The following SAE1 variants were observed in gnomAD, a reference collection of about 807,000 sequenced individuals.
SAE1 encodes SUMO1 activating enzyme subunit 1.
In SAE1, 11 loss-of-function variants were observed where a neutral mutation model predicts 40.6. That is an observed-to-expected ratio of 0.27 (90% CI 0.17 to 0.45). The LOEUF is 0.45. Ranked by LOEUF, SAE1 falls within the 20% of genes least tolerant of loss-of-function variation. The pLI is 1.00. For synonymous variants in SAE1, 155 were observed against 154.3 expected (o/e 1.00, Z -0.03); for missense variants, 373 against 427.3 (o/e 0.87, Z 1.12).
At chr19:47,132,761 G>A (rs971135525) in intron 1 of SAE1, among the ~76,000 whole-genome samples, 1 of 151,900 alleles carries the variant, frequency 6.6e-6, no homozygotes, top group Non-Finnish European at 1.5e-5. Context: ...GGTGACATAA[G>A]TTTATAGTCC....
chr19:47,203,910 G>A (rs1487909197), intron 8 of SAE1, among the ~76,000 whole-genome samples, 170 bp downstream of exon 8: 3 of 152,076 alleles, frequency 2.0e-5, no homozygotes, highest in Non-Finnish European at 4.4e-5. Flanking sequence ...CCATCCAGGT[G>A]CCATTCAGCA....
At chr19:47,208,796 A>T (rs949317829) in intron 8 of SAE1, among the ~76,000 whole-genome samples, 4 of 152,154 alleles carry the variant, frequency 2.6e-5, no homozygotes, top group African/African-American at 9.7e-5. Context: ...GGCTCAAGTG[A>T]TTCTCCCACC....
chr19:47,159,472 A>G (rs1171746479), intron 5 of SAE1, among the ~76,000 whole-genome samples: 2 of 151,830 alleles, frequency 1.3e-5, no homozygotes, highest in African/African-American at 4.8e-5. Flanking sequence ...GCACAGTCAT[A>G]TCCACGGAAT....
chr19:47,185,190 A>T (rs908808029), intron 6 of SAE1, among the ~76,000 whole-genome samples: 1 of 152,220 alleles, frequency 6.6e-6, no homozygotes, highest in African/African-American at 2.4e-5. Flanking sequence ...CTGTTTCAAC[A>T]TAGTTTTTTA....
At chr19:47,168,323 T>C (rs1194473393) in intron 5 of SAE1, among the ~76,000 whole-genome samples, 1 of 152,120 alleles carries the variant, frequency 6.6e-6, no homozygotes. Flanking sequence ...TTTTTTTCTC[T>C]CTCTCTCTGT....
At chr19:47,175,057 A>G (rs2058460649) in intron 6 of SAE1, among the ~76,000 whole-genome samples, 1 of 151,746 alleles carries the variant, frequency 6.6e-6, no homozygotes, top group Non-Finnish European at 1.5e-5. Flanking sequence ...AAGGATTTTT[A>G]AGATCAAAGT....
At position 47,155,828 on chromosome 19, in the gene SAE1, C is replaced by T. The variant is rs181695227; in HGVS notation, c.627+615C>T. ...CAATCTCAGCTCACTGCAACCTCCA[C>T]GTCCCAGGTTCAAGAGATTTTCCTG... On this transcript the variant is annotated intron_variant, in intron 5 of 8. Transcript: ENST00000270225. 4.0e-5 allele frequency among the ~76,000 whole-genome samples: 6 copies of T among 149,886 alleles called. No homozygotes were observed. In the East Asian group the frequency reaches 7.9e-4, roughly 20 times the overall value.
chr19:47,201,765 C>G (rs1479296408), intron 7 of SAE1, among the ~76,000 whole-genome samples: 1 of 152,046 alleles, frequency 6.6e-6, no homozygotes, highest in Non-Finnish European at 1.5e-5. Context: ...TCCCGAGTAT[C>G]TGGCATTACA....
At chr19:47,168,100 C>G (rs753346970) in intron 5 of SAE1, among the ~76,000 whole-genome samples, 17 of 151,846 alleles carry the variant, frequency 1.1e-4, no homozygotes, top group Non-Finnish European at 2.5e-4. Context: ...CGCTGAGGCA[C>G]GAGAATTGCT....
At chr19:47,150,396 TCTG>T in intron 3 of SAE1, 21 bp downstream of exon 3, 2 of 1,581,438 alleles carry the variant, frequency 1.3e-6, no homozygotes, top group Non-Finnish European at 1.7e-6. Context: ...TATTATAAAA[TCTG>T]CTGTGGGAAT....
At chr19:47,193,820 T>A (rs2058595003) in intron 6 of SAE1, among the ~76,000 whole-genome samples, 1 of 143,010 alleles carries the variant, frequency 7.0e-6, no homozygotes, top group Non-Finnish European at 1.5e-5. Context: ...AGAGCAAGAT[T>A]GTCTCAAAAA....
chr19:47,137,657 C>T (rs1018598251), intron 1 of SAE1, among the ~76,000 whole-genome samples: 5 of 151,846 alleles, frequency 3.3e-5, no homozygotes, highest in African/African-American at 1.2e-4. Context: ...CCATATCACT[C>T]AGCTAATTTT....
chr19:47,160,412 T>TTTTTTA (rs2058352679), intron 5 of SAE1, among the ~76,000 whole-genome samples: 2 of 119,150 alleles, frequency 1.7e-5, no homozygotes, highest in Non-Finnish European at 3.8e-5. Flanking sequence ...TTTTTTTTTT[T>TTTTTTA]GAGATGGACT....
Position 47,209,258 on chromosome 19 carries a change from G to A in SAE1, c.*7G>A, listed in dbSNP as rs2058701101. The stretch of plus-strand genomic sequence containing the variant: ...GTGCCTTGGCCCCAAGTGAACTCAA[G>A]ATTTGGCAGCCCCAGAGATGCCAAC... On this transcript the variant is annotated 3_prime_UTR_variant, in exon 9 of 9. Transcript: ENST00000270225. 2.5e-6 allele frequency: 4 copies of A among 1,614,056 alleles called. No homozygotes were observed. In the South Asian group the frequency reaches 4.4e-5, roughly 18 times the overall value.
chr19:47,139,960 C>T (rs1479160675), intron 1 of SAE1, among the ~76,000 whole-genome samples: 25 of 129,770 alleles, frequency 1.9e-4, no homozygotes, highest in Non-Finnish European at 2.5e-4. Flanking sequence ...TTTTTTGAGA[C>T]GGAGTCTCGC....
intron 2 of SAE1, among the ~76,000 whole-genome samples, chr19:47,147,436 T>G (rs986447162): frequency 1.3e-5 from 2 of 151,410 alleles, no homozygotes; most frequent in African/African-American, 4.8e-5. Flanking sequence ...TTGAACTTTC[T>G]GGGCTCAATT....
intron 8 of SAE1, among the ~76,000 whole-genome samples, chr19:47,205,304 C>T (rs191999727): frequency 6.8e-6 from 1 of 147,392 alleles, no homozygotes; most frequent in Admixed American, 6.9e-5. Context: ...TTAGTCACAC[C>T]GTTTTCCTAA....
intron 2 of SAE1, among the ~76,000 whole-genome samples, chr19:47,144,713 C>A (rs950439235): frequency 2.0e-4 from 31 of 151,926 alleles, no homozygotes; most frequent in Non-Finnish European, 3.7e-4. Context: ...ACAACAACAA[C>A]AAAAACAAAC....
rs1299298279 is a variant in SAE1 at position 47,185,252 on chromosome 19, CTGAG to C, written c.734-11978_734-11975del. Among the ~76,000 whole-genome samples, 31 of 152,234 alleles carry C rather than the reference CTGAG, an allele frequency of 2.0e-4. No individual in the cohort carries two copies. The South Asian group carries it at 5.0e-3, about 24-fold the overall frequency. On this transcript the variant is annotated intron_variant, in intron 6 of 8. Transcript: ENST00000270225. The stretch of plus-strand genomic sequence containing the variant: ...AATATGTCTTTATATGTGGTACAGA[CTGAG>C]TGTCTAAATCCAAGAACCCAAAATC...
Sources: gnomAD v4.1 joint callset for allele counts (sites outside exome capture counted in the v4.1 genomes callset) on GRCh38, gnomAD v4.1.1 for gene constraint, MANE v1.5 for transcripts, NCBI Gene and HGNC (gene_info 2026-07-23, HGNC 2026-07-21) for gene names.